The following C16orf46 variants were observed in gnomAD, a reference collection of about 807,000 sequenced individuals.
C16orf46 encodes chromosome 16 open reading frame 46, also known as uncharacterized protein C16orf46.
In C16orf46, 7 loss-of-function variants were observed where a neutral mutation model predicts 5.5. The observed-to-expected ratio is 1.28, with a 90% CI of 0.73 to 2.40. The LOEUF is 2.40. C16orf46 is among the 30% of genes most tolerant of loss of function. The pLI is 0.00. For synonymous variants in C16orf46, 200 were observed against 184.1 expected, an observed-to-expected ratio of 1.09 and a Z score of -0.70; for missense variants, 614 against 476.0, an observed-to-expected ratio of 1.29 and a Z score of -2.70.
rs146937896 is a variant in C16orf46 at position 81,061,773 on chromosome 16, C to T, written c.576G>A (p.Gly192=). 5.1e-4 allele frequency: 815 copies of T among 1,613,836 alleles called. 3 individuals are homozygous for T. In the African/African-American group the frequency reaches 9.4e-3, roughly 19 times the overall value. ...CTGGGATGGACAGCCCTCTGTGGGC[C>T]CCTCCACTGGGATTCCCAGAGGCCT... The part of the protein sequence containing the change: ...RGKASGNPSG[G]AHRGLSIPGP... The change falls in exon 4 of 4, where the codon GGG becomes GGA. Residue 192 remains glycine, a synonymous_variant. Transcript: ENST00000299578.
At chr16:81,059,986 C>G (rs1464419371), downstream of C16orf46, among the ~76,000 whole-genome samples, 1 of 151,828 alleles carries the variant, frequency 6.6e-6, no homozygotes, top group Non-Finnish European at 1.5e-5. Context: ...GATAGGGTTT[C>G]ACCGTGTTAG....
chr16:81,061,497 T>C lies in C16orf46; in HGVS notation c.852A>G (p.Pro284=), dbSNP rs762274829. The change falls in exon 4 of 4, where the codon CCA becomes CCG. Residue 284 remains proline (P), a synonymous_variant. Transcript: ENST00000299578. Reference sequence around the variant, plus strand: ...CGGTCAGCAGGGATATCTGGGCCGCTGGGGAAGGGGAGGATGGCGTGTCGT... The same window carrying C: ...CGGTCAGCAGGGATATCTGGGCCGCCGGGGAAGGGGAGGATGGCGTGTCGT... ...MVNDTPSSPS[P]AAQISLLTDP... is the part of the protein sequence containing the mutation. 2 of 1,614,046 alleles carry C rather than the reference T, an allele frequency of 1.2e-6. No individual in the cohort carries two copies. The highest frequency in any genetic ancestry group is 1.7e-5 in the Admixed American group (1 of 60,000).
At chr16:81,056,655 C>T (rs1162804907), downstream of C16orf46, among the ~76,000 whole-genome samples, 1 of 147,158 alleles carries the variant, frequency 6.8e-6, no homozygotes, top group Non-Finnish European at 1.5e-5. Flanking sequence ...AAGATCGCGC[C>T]ACAGCACTCC....
At chr16:81,067,092 T>C (rs1457787884) in intron 1 of C16orf46, among the ~76,000 whole-genome samples, 1 of 152,054 alleles carries the variant, frequency 6.6e-6, no homozygotes, top group Non-Finnish European at 1.5e-5. Context: ...GAAAAACTGA[T>C]CAAAGAACTT....
chr16:81,054,196 A>C lies in C16orf46; in HGVS notation c.1144-102T>G, dbSNP rs1353569628. ...CTGAATTATGACAAAAGGATATTCA[A>C]CCATGAAGACTGCCCTCAATAACTT... is the stretch of plus-strand genomic sequence containing the variant. On this transcript the variant is annotated intron_variant, in intron 3 of 3. Transcript: ENST00000378611. 3 of 1,089,006 alleles carry C rather than the reference A, an allele frequency of 2.8e-6. No homozygotes were observed. The Admixed American group carries it at 5.4e-5, about 20-fold the overall frequency. The allele number at this position is 1,089,006 out of a possible 1,614,324, so 67.5% of individuals were successfully genotyped here. A position where few individuals can be genotyped will look rare whatever the true frequency, so the allele number is the denominator to read the frequency against.
chr16:81,066,554 C>T (rs1175120969), intron 1 of C16orf46, among the ~76,000 whole-genome samples: 2 of 152,154 alleles, frequency 1.3e-5, no homozygotes, highest in Non-Finnish European at 2.9e-5. Context: ...TCTTCCAGCT[C>T]ACGTTAGCAG....
chr16:81,056,245 A>G (rs193131119), downstream of C16orf46: 5 of 152,304 alleles, frequency 3.3e-5, no homozygotes, highest in African/African-American at 1.2e-4. Flanking sequence ...ATGGCAGTAA[A>G]TGTAAATACA....
rs1226955702 is a variant in C16orf46, at chr16:81,061,276, G to C, written c.1073C>G (p.Ala358Gly). The C allele has an allele frequency of 6.2e-7, 1 of 1,614,138 alleles. No individual in the cohort carries two copies. Among genetic ancestry groups the C allele is most frequent in the South Asian group, 1.1e-5 (1 of 91,084 alleles). Residue 358 changes from alanine to glycine, a missense_variant, in exon 4 of 4, where the codon GCC becomes GGC. Coordinates refer to ENST00000299578, the MANE Select transcript of C16orf46 (RefSeq NM_152337.3). ...VITRKHVLPK[A>G]KQENRPQMLE... The stretch of plus-strand genomic sequence containing the variant: ...CATTTGGGGCCTGTTTTCCTGCTTG[G>C]CCTTTGGGAGAACATGCTTTCGGGT...
chr16:81,075,596 A>G (rs1232592640), intron 1 of C16orf46, among the ~76,000 whole-genome samples: 4 of 152,164 alleles, frequency 2.6e-5, no homozygotes, highest in Admixed American at 2.6e-4. Context: ...TCAAAACAAA[A>G]CAAAGAAAAT....
chr16:81,076,888 G>C (rs1368953915), intron 1 of C16orf46: 1 of 152,198 alleles, frequency 6.6e-6, no homozygotes, highest in Non-Finnish European at 1.5e-5. Flanking sequence ...AAGCGTTCTG[G>C]ATTGCCCGTT....
At chr16:81,064,856 A>G (rs80065672) in intron 2 of C16orf46, among the ~76,000 whole-genome samples, 12,018 of 152,248 alleles carry the variant, frequency 0.079, 531 homozygotes, top group East Asian at 0.15. Context: ...CTCAGAAGGA[A>G]CAAACCCTGC....
intron 1 of C16orf46, chr16:81,076,882 G>A (rs918512548): frequency 6.6e-6 from 1 of 152,246 alleles, no homozygotes; most frequent in Non-Finnish European, 1.5e-5. Context: ...TCAGAAAAGC[G>A]TTCTGGATTG....
chr16:81,061,154 C>T lies in C16orf46; in HGVS notation c.*7G>A, dbSNP rs776592177. On this transcript the variant is annotated 3_prime_UTR_variant, in exon 4 of 4. Transcript: ENST00000299578. ...GTGCTTATTCCCAGGGGTTCTACCG[C>T]AACCGCTCAGAGGATCCTGTGGGTA... The T allele has an allele frequency of 1.0e-5, 16 of 1,588,470 alleles. No individual in the cohort carries two copies. Among genetic ancestry groups the T allele is most frequent in the Admixed American group, 8.8e-5 (5 of 56,542 alleles).
chr16:81,063,731 C>T lies in C16orf46; in HGVS notation c.210+15G>A. 6.3e-7 allele frequency: 1 copy of T among 1,599,244 alleles called. No individual in the cohort carries two copies. The highest frequency in any genetic ancestry group is 8.6e-7 in the Non-Finnish European group (1 of 1,168,238). ...TGCGAGAGACAGAAAAGCTGTGACTCAGAAAGATACTCACTGCCTCTTCCC... is the reference window on the plus strand; with the variant it reads ...TGCGAGAGACAGAAAAGCTGTGACTTAGAAAGATACTCACTGCCTCTTCCC... On this transcript the variant is annotated intron_variant, in intron 3 of 3. Coordinates refer to ENST00000299578, the MANE Select transcript of C16orf46 (RefSeq NM_152337.3).
exon 4 of C16orf46, chr16:81,053,958 C>T: frequency 8.6e-7 from 1 of 1,162,320 alleles, no homozygotes; most frequent in Non-Finnish European, 1.3e-6. Flanking sequence ...GCGTTTGACT[C>T]TCTGCTTTCT....
At chr16:81,060,247 G>GT (rs1282776548), downstream of C16orf46, among the ~76,000 whole-genome samples, 1 of 152,138 alleles carries the variant, frequency 6.6e-6, no homozygotes, top group African/African-American at 2.4e-5. Flanking sequence ...CAATCTGAGG[G>GT]TGTGACACCC....
Position 81,061,555 on chromosome 16 carries a change from C to T in C16orf46, c.794G>A (p.Arg265Lys). ...AGGGTGTTTGGCCAGCTCACTGGCT[C>T]TTTTTTCACCTTTCCCATCTGCTGT... ...LKTADGKGEK[R>K]ASELAKHPMV... is the part of the protein sequence containing the mutation. Residue 265 changes from arginine to lysine, a missense_variant, in exon 4 of 4, where the codon AGA (arginine) becomes AAA (lysine). Arg to Lys is a conservative substitution (Grantham distance 26). Coordinates refer to ENST00000299578, the MANE Select transcript of C16orf46 (RefSeq NM_152337.3). 2.5e-6 allele frequency: 4 copies of T among 1,614,160 alleles called. No individual in the cohort carries two copies. Among genetic ancestry groups the T allele is most frequent in the Non-Finnish European group, 3.4e-6 (4 of 1,180,032 alleles).
chr16:81,062,077 T>G lies in C16orf46; in HGVS notation c.272A>C (p.Lys91Thr). The change falls in exon 4 of 4, where the codon AAG becomes ACG. Residue 91 changes from lysine (K) to threonine (T), a missense_variant. Physicochemically the swap from Lys to Thr is moderately conservative, Grantham distance 78 (BLOSUM62 -1). Transcript: ENST00000299578. ...ACIWPRKIPK[K>T]ARVGEGACSD... ...GCAGGCACCTTCCCCTACCCTCGCC[T>G]TTTTTGGTATCTTCCTCGGCCAGAT... The G allele has an allele frequency of 6.2e-7, 1 of 1,609,712 alleles. No homozygotes were observed. The highest frequency in any genetic ancestry group is 8.5e-7 in the Non-Finnish European group (1 of 1,179,552).
chr16:81,073,339 T>G (rs804904), intron 1 of C16orf46, among the ~76,000 whole-genome samples: 106,960 of 151,578 alleles, frequency 0.71, 38,188 homozygotes, highest in South Asian at 0.82. Context: ...ACAACTCTGA[T>G]TAGAGGCAGA....
Sources: gnomAD v4.1 joint callset for allele counts (sites outside exome capture counted in the v4.1 genomes callset) on GRCh38, gnomAD v4.1.1 for gene constraint, MANE v1.5 for transcripts, NCBI Gene and HGNC (gene_info 2026-07-23, HGNC 2026-07-21) for gene names.